The following AGBL4 variants were observed in gnomAD, a reference collection of about 807,000 sequenced individuals.
AGBL4 encodes cytosolic carboxypeptidase 6.
In AGBL4, 58 loss-of-function variants were observed where a neutral mutation model predicts 66.4. The observed-to-expected ratio is 0.87, with a 90% CI of 0.71 to 1.09. The LOEUF is 1.09. Ranked by LOEUF, AGBL4 falls within the 50% of genes least tolerant of loss-of-function variation. AGBL4 has a pLI of 0.00. For missense variants in AGBL4, 579 were observed against 631.0 expected, an observed-to-expected ratio of 0.92 and a Z score of 0.88; for synonymous variants, 234 against 222.9, an observed-to-expected ratio of 1.05 and a Z score of -0.44.
chr1:49,203,015 C>T (rs546550663), intron 4 of AGBL4, among the ~76,000 whole-genome samples: 1 of 149,828 alleles, frequency 6.7e-6, no homozygotes, highest in South Asian at 2.1e-4. Context: ...TGCTCAACAT[C>T]ACTAATCATC....
At position 48,534,924 on chromosome 1, in the gene AGBL4, AG is replaced by A. The variant is rs1261317376; in HGVS notation, c.1365-9del. 3 of 1,551,326 alleles carry A rather than the reference AG, an allele frequency of 1.9e-6. No homozygotes were observed. In the South Asian group the frequency reaches 3.6e-5, roughly 18 times the overall value. On this transcript the variant is annotated splice_polypyrimidine_tract_variant and intron_variant, in intron 12 of 13. Transcript: ENST00000371839. ...ACTTCTATTTCTTTATTTCTAAAATAGGAGAAAAATTCATGTCCTTCCTGCC... is the reference window on the plus strand; with the variant it reads ...ACTTCTATTTCTTTATTTCTAAAATAGAGAAAAATTCATGTCCTTCCTGCC...
chr1:48,978,632 C>A (rs1659522742), intron 5 of AGBL4, among the ~76,000 whole-genome samples: 1 of 152,128 alleles, frequency 6.6e-6, no homozygotes. Flanking sequence ...CAGCTTCCTG[C>A]AATTGTCCCT....
intron 6 of AGBL4, among the ~76,000 whole-genome samples, chr1:48,786,218 A>G (rs1645404109): frequency 6.6e-6 from 1 of 152,236 alleles, no homozygotes; most frequent in Non-Finnish European, 1.5e-5. Flanking sequence ...ATTGATTTCC[A>G]TGATAGGAAC....
intron 6 of AGBL4, among the ~76,000 whole-genome samples, chr1:48,796,127 C>T (rs1194018273): frequency 6.6e-6 from 1 of 152,212 alleles, no homozygotes; most frequent in Non-Finnish European, 1.5e-5. Context: ...ACATTTTCCC[C>T]TAATACCATT....
chr1:48,619,588 A>T (rs965886177), intron 9 of AGBL4, among the ~76,000 whole-genome samples: 30 of 152,182 alleles, frequency 2.0e-4, no homozygotes, highest in Admixed American at 1.6e-3. Context: ...CGAGTCACAT[A>T]GCAAAGATGA....
chr1:49,905,644 T>C (rs1650200730), intron 1 of AGBL4, among the ~76,000 whole-genome samples: 1 of 152,130 alleles, frequency 6.6e-6, no homozygotes, highest in African/African-American at 2.4e-5. Context: ...TTCGCTGTGA[T>C]TAAGAGAATC....
chr1:49,822,667 A>AT (rs1645401439), intron 2 of AGBL4, among the ~76,000 whole-genome samples: 1 of 152,186 alleles, frequency 6.6e-6, no homozygotes, highest in Non-Finnish European at 1.5e-5. Flanking sequence ...AAATTTATAC[A>AT]TAAGTATGAT....
intron 3 of AGBL4, among the ~76,000 whole-genome samples, chr1:49,687,295 G>A (rs1341763403): frequency 6.6e-6 from 1 of 152,182 alleles, no homozygotes; most frequent in African/African-American, 2.4e-5. Flanking sequence ...TTGAATGGCT[G>A]TAGCAGAGAT....
intron 5 of AGBL4, among the ~76,000 whole-genome samples, chr1:49,008,615 A>T (rs1212928784): frequency 7.0e-6 from 1 of 142,910 alleles, no homozygotes; most frequent in African/African-American, 2.7e-5. Flanking sequence ...AAAATTGACC[A>T]CATACTTGGA....
Position 49,254,248 on chromosome 1 carries a change from G to A in AGBL4, c.283-8384C>T, listed in dbSNP as rs944921771. On this transcript the variant is annotated intron_variant, in intron 3 of 13. Transcript: ENST00000371839. ...ATCTATCCGTGTTTCTAGATGGCAC[G>A]ATCCTCTCATCTCAGCCCCATCATC... Among the ~76,000 whole-genome samples the A allele has an allele frequency of 1.4e-4, 21 of 152,056 alleles. No individual in the cohort carries two copies. The South Asian group carries it at 1.5e-3, about 11-fold the overall frequency.
intron 6 of AGBL4, among the ~76,000 whole-genome samples, chr1:48,680,401 G>T (rs562661021): frequency 6.6e-6 from 1 of 152,238 alleles, no homozygotes; most frequent in African/African-American, 2.4e-5. Flanking sequence ...GGGATGTATT[G>T]TGCTTCTTGT....
At chr1:49,030,282 G>A (rs944963290) in intron 5 of AGBL4, among the ~76,000 whole-genome samples, 2 of 152,070 alleles carry the variant, frequency 1.3e-5, no homozygotes, top group African/African-American at 2.4e-5. Context: ...TAGAGACCAC[G>A]ATTTCTCTGT....
At chr1:48,990,535 C>T (rs1660524448) in intron 5 of AGBL4, among the ~76,000 whole-genome samples, 1 of 152,054 alleles carries the variant, frequency 6.6e-6, no homozygotes, top group South Asian at 2.1e-4. Context: ...AGATATAAGT[C>T]TGTAACCCAC....
At position 49,504,102 on chromosome 1, in the gene AGBL4, G is replaced by A. The variant is rs117162625; in HGVS notation, c.282+193211C>T. 1.5e-3 allele frequency among the ~76,000 whole-genome samples: 223 copies of A among 152,156 alleles called. 8 individuals are homozygous for A. In the East Asian group the frequency reaches 0.039, roughly 27 times the overall value. ...GTGGAGATAATTGAATTATGGGGGCGGTTTCCCCCATGCTGTTCTGGTGAT... is the reference window on the plus strand; with the variant it reads ...GTGGAGATAATTGAATTATGGGGGCAGTTTCCCCCATGCTGTTCTGGTGAT... On this transcript the variant is annotated intron_variant, in intron 3 of 13. Transcript: ENST00000371839.
intron 1 of AGBL4, among the ~76,000 whole-genome samples, chr1:49,971,463 C>CA (rs1385027709): frequency 6.6e-6 from 1 of 151,934 alleles, no homozygotes; most frequent in African/African-American, 2.4e-5. Context: ...CATAAAATGC[C>CA]AAAAAGAAGT....
chr1:48,732,106 C>T (rs1052026304), intron 6 of AGBL4, among the ~76,000 whole-genome samples: 4 of 151,726 alleles, frequency 2.6e-5, no homozygotes, highest in African/African-American at 9.7e-5. Flanking sequence ...AGATTTGGGG[C>T]CAAACAGATG....
intron 2 of AGBL4, among the ~76,000 whole-genome samples, chr1:49,772,136 T>C (rs1427326449): frequency 6.6e-6 from 1 of 152,138 alleles, no homozygotes; most frequent in Non-Finnish European, 1.5e-5. Flanking sequence ...TACTTCTTTG[T>C]GTATCTACCA....
Position 48,771,858 on chromosome 1 carries a change from G to T in AGBL4, c.634+95333C>A, listed in dbSNP as rs112424484. On this transcript the variant is annotated intron_variant, in intron 6 of 13. Coordinates refer to ENST00000371839, the MANE Select transcript of AGBL4 (RefSeq NM_032785.4). ...AAGCAATAAGAACATGGCTTTGGAA[G>T]CTATTTCCCCCAAGTGTGGGGTTTC... Among the ~76,000 whole-genome samples, 278 of 152,340 alleles carry T rather than the reference G, an allele frequency of 1.8e-3. 1 individual carries two copies. Among genetic ancestry groups the T allele is most frequent in the African/African-American group, 6.3e-3 (264 of 41,590 alleles).
intron 6 of AGBL4, among the ~76,000 whole-genome samples, chr1:48,683,222 A>T (rs1646481291): frequency 6.6e-6 from 1 of 152,224 alleles, no homozygotes; most frequent in African/African-American, 2.4e-5. Flanking sequence ...GGACTTGTCC[A>T]ACTCAAGAAG....
Sources: gnomAD v4.1 joint callset for allele counts (sites outside exome capture counted in the v4.1 genomes callset) on GRCh38, gnomAD v4.1.1 for gene constraint, MANE v1.5 for transcripts, NCBI Gene and HGNC (gene_info 2026-07-23, HGNC 2026-07-21) for gene names.